BRAF: variants seen among roughly 807,000 people sequenced by gnomAD.
The protein encoded by BRAF is serine/threonine-protein kinase B-raf.
A neutral mutation model predicts 104.6 loss-of-function variants in BRAF; 16 were observed. The observed-to-expected ratio is 0.15, with a 90% CI of 0.10 to 0.23. BRAF has a LOEUF of 0.23. BRAF is among the 10% of genes least tolerant of loss of function. The pLI, the probability that BRAF is intolerant of heterozygous loss-of-function variation, is 1.00. For synonymous variants in BRAF, 310 were observed against 341.6 expected, an observed-to-expected ratio of 0.91 and a Z score of 1.02; for missense variants, 541 against 937.3, an observed-to-expected ratio of 0.58 and a Z score of 5.52.
chr7:140,713,904 C>A, the BRAF span, among the ~76,000 whole-genome samples: 1 of 152,130 alleles, frequency 6.6e-6, no homozygotes, highest in African/African-American at 2.4e-5. Context: ...GTATCAGCAG[C>A]GGTGGCTGCA....
chr7:140,730,152 T>TAC (rs1358084635), intron 19 of BRAF, among the ~76,000 whole-genome samples: 2 of 152,126 alleles, frequency 1.3e-5, no homozygotes, highest in East Asian at 3.9e-4. Context: ...TAATGATTCC[T>TAC]TCTTGCCCAT....
chr7:140,721,142 G>A lies in BRAF; in HGVS notation c.*5352C>T, dbSNP rs149786510. 19 of 1,062,014 alleles carry A rather than the reference G, an allele frequency of 1.8e-5. No individual in the cohort carries two copies. The highest frequency in any genetic ancestry group is 5.3e-5 in the Admixed American group (1 of 18,696). 65.8% of individuals were successfully genotyped at this position (1,062,014 alleles called of 1,614,324 possible). On this transcript the variant is annotated 3_prime_UTR_variant, in exon 20 of 20. Transcript: ENST00000644969. ...ATTGGCTGTGTCCTCATACACACTC[G>A]TCAAGTCACTATAATTATTCAAAAT...
At chr7:140,845,905 T>A (rs1808492163) in intron 2 of BRAF, among the ~76,000 whole-genome samples, 1 of 152,152 alleles carries the variant, frequency 6.6e-6, no homozygotes, top group African/African-American at 2.4e-5. Flanking sequence ...GGTCTCAAAC[T>A]CCTGACCTCG....
chr7:140,730,298 A>C (rs932031902), intron 19 of BRAF, among the ~76,000 whole-genome samples: 3 of 152,118 alleles, frequency 2.0e-5, no homozygotes, highest in Non-Finnish European at 4.4e-5. Context: ...ATTAATAAAA[A>C]AAAATCAATT....
At chr7:140,814,828 A>ATGT (rs1391954539) in intron 3 of BRAF, among the ~76,000 whole-genome samples, 1 of 146,240 alleles carries the variant, frequency 6.8e-6, no homozygotes, top group African/African-American at 2.5e-5. Context: ...TAATTTATAT[A>ATGT]TATTATATAT....
intron 14 of BRAF, among the ~76,000 whole-genome samples, chr7:140,771,819 G>C (rs530858430): frequency 6.6e-6 from 1 of 152,204 alleles, no homozygotes; most frequent in Non-Finnish European, 1.5e-5. Context: ...GGCACAGTAA[G>C]ATGGTGGCTG....
intron 6 of BRAF, 135 bp downstream of exon 6, chr7:140,801,277 T>C (rs1803080896): frequency 3.2e-6 from 3 of 951,946 alleles, no homozygotes; most frequent in Admixed American, 4.9e-5. Context: ...ATTCTCTAAC[T>C]ACACTTAAAA....
intron 1 of BRAF, among the ~76,000 whole-genome samples, chr7:140,899,442 C>T (rs1455805552): frequency 1.3e-5 from 2 of 151,998 alleles, no homozygotes; most frequent in Admixed American, 6.6e-5. Context: ...AGGATTTTTC[C>T]CCCCAATTTA....
chr7:140,762,312 G>A (rs1227900811), intron 14 of BRAF, among the ~76,000 whole-genome samples: 1 of 152,100 alleles, frequency 6.6e-6, no homozygotes, highest in Non-Finnish European at 1.5e-5. Flanking sequence ...CGAAATGAAG[G>A]CAGAAATAAA....
At chr7:140,875,050 A>G (rs769225516) in intron 1 of BRAF, among the ~76,000 whole-genome samples, 2 of 152,190 alleles carry the variant, frequency 1.3e-5, no homozygotes, top group Non-Finnish European at 2.9e-5. Context: ...TTTCCCGTAC[A>G]GTCCGCAGAA....
chr7:140,817,318 TG>T (rs1804983725), intron 3 of BRAF, among the ~76,000 whole-genome samples: 1 of 152,008 alleles, frequency 6.6e-6, no homozygotes, highest in Admixed American at 6.5e-5. Context: ...CATGAAAAAA[TG>T]GAAAGACCGG....
intron 7 of BRAF, among the ~76,000 whole-genome samples, chr7:140,798,217 T>C (rs1252128936): frequency 1.3e-5 from 2 of 151,216 alleles, no homozygotes; most frequent in Non-Finnish European, 2.9e-5. Flanking sequence ...ATATTTCTAA[T>C]CTTAACATCT....
intron 1 of BRAF, among the ~76,000 whole-genome samples, chr7:140,879,291 C>A (rs895851607): frequency 6.6e-6 from 1 of 151,920 alleles, no homozygotes; most frequent in Non-Finnish European, 1.5e-5. Flanking sequence ...AAAAGAGTCT[C>A]CTGCCTCAGC....
intron 3 of BRAF, among the ~76,000 whole-genome samples, chr7:140,810,104 G>A (rs1350431634): frequency 6.6e-6 from 1 of 152,048 alleles, no homozygotes; most frequent in Non-Finnish European, 1.5e-5. Flanking sequence ...CAAACCAAAA[G>A]TTTCCAAAGA....
chr7:140,909,803 G>A (rs181415547), intron 1 of BRAF, among the ~76,000 whole-genome samples: 1,917 of 148,452 alleles, frequency 0.013, 38 homozygotes, highest in African/African-American at 0.047. Flanking sequence ...GCGAAACTCC[G>A]TCTCAAAACA....
chr7:140,784,526 TGA>T (rs1317948962), intron 10 of BRAF, among the ~76,000 whole-genome samples: 1 of 152,206 alleles, frequency 6.6e-6, no homozygotes, highest in Non-Finnish European at 1.5e-5. Context: ...ACAGCAGGGC[TGA>T]GAGAGCAAAA....
At chr7:140,917,571 G>A (rs541940709) in intron 1 of BRAF, among the ~76,000 whole-genome samples, 1 of 152,156 alleles carries the variant, frequency 6.6e-6, no homozygotes, top group African/African-American at 2.4e-5. Flanking sequence ...GTCCAGCCTG[G>A]GCAATACAGT....
chr7:140,751,143 A>C (rs1797753177), intron 16 of BRAF, among the ~76,000 whole-genome samples: 1 of 152,210 alleles, frequency 6.6e-6, no homozygotes, highest in African/African-American at 2.4e-5. Flanking sequence ...TGAAAGAATA[A>C]AGGAGAAACC....
At chr7:140,812,922 AGG>A (rs1562971995) in intron 3 of BRAF, among the ~76,000 whole-genome samples, 1 of 152,202 alleles carries the variant, frequency 6.6e-6, no homozygotes, top group Non-Finnish European at 1.5e-5. Context: ...AAGAAAGGGA[AGG>A]AGAGTGAAAC....
Sources: allele counts gnomAD v4.1 joint callset (sites outside exome capture counted in the v4.1 genomes callset), GRCh38; gene constraint gnomAD v4.1.1; transcripts MANE v1.5; gene names NCBI Gene and HGNC (gene_info 2026-07-23, HGNC 2026-07-21).